TRAK1: variants seen among roughly 807,000 people sequenced by gnomAD.
TRAK1 encodes the protein trafficking kinesin-binding protein 1.
In TRAK1, 33 loss-of-function variants were observed where a neutral mutation model predicts 92.1. That is an observed-to-expected ratio of 0.36 (90% CI 0.27 to 0.48). TRAK1 has a LOEUF of 0.48. Ranked by LOEUF, TRAK1 falls within the 20% of genes least tolerant of loss-of-function variation. The probability of loss-of-function intolerance (pLI) is 0.99; values close to 1 mark genes in which losing one functional copy is unlikely to be tolerated. For missense variants in TRAK1, 1,123 were observed against 1,257.9 expected (o/e 0.89, Z 1.62); for synonymous variants, 521 against 517.3 (o/e 1.01, Z -0.10).
rs115024707 is a variant in TRAK1, at chr3:42,204,942, T to A, written c.1744+2190T>A. Among the ~76,000 whole-genome samples, 814 of 152,294 alleles carry A rather than the reference T, an allele frequency of 5.3e-3. 13 individuals are homozygous for A. Among genetic ancestry groups the A allele is most frequent in the African/African-American group, 0.019 (775 of 41,564 alleles). Reference sequence around the variant, plus strand: ...TTTCCCTCCCCTCCACAGTTATTTTTTGTGTTACCATGTTTAATATGATAA... The same window carrying A: ...TTTCCCTCCCCTCCACAGTTATTTTATGTGTTACCATGTTTAATATGATAA... On this transcript the variant is annotated intron_variant, in intron 13 of 15. Transcript: ENST00000327628.
intron 1 of TRAK1, among the ~76,000 whole-genome samples, chr3:42,075,929 G>A (rs955052123): frequency 1.3e-5 from 2 of 152,036 alleles, no homozygotes; most frequent in African/African-American, 4.8e-5. Flanking sequence ...TGCCACCTCT[G>A]CCTCCCAGAT....
At position 42,202,476 on chromosome 3, in the gene TRAK1, C is replaced by T. The variant is rs1404732213; in HGVS notation, c.1468C>T (p.Pro490Ser). 1 of 1,498,846 alleles carries T rather than the reference C, an allele frequency of 6.7e-7. No homozygotes were observed. The highest frequency in any genetic ancestry group is 8.9e-7 in the Non-Finnish European group (1 of 1,121,080). The allele number at this position is 1,498,846 out of a possible 1,614,324, so 92.8% of individuals were successfully genotyped here. A position where few individuals can be genotyped will look rare whatever the true frequency, so the allele number is the denominator to read the frequency against. Residue 490 changes from proline (P) to serine (S), a missense_variant, in exon 13 of 16, where the codon CCA becomes TCA. This residue lies in a region of TRAK1 where 686 missense variants were observed against 747.6 expected (regional missense o/e 0.92). Transcript: ENST00000327628. This position sits in a 1 kb window ranked among gnomAD's most constrained non-coding sequence, Gnocchi z 6.1. ...TAAGAAGCCGGGGACGCCGGGCACC[C>T]CAGGCTCCCACGACCTGGAGACGGC... is the stretch of plus-strand genomic sequence containing the variant. ...RSKKPGTPGT[P>S]GSHDLETALR...
Position 42,223,138 on chromosome 3 carries a change from G to T in TRAK1, c.2263G>T (p.Asp755Tyr). The T allele has an allele frequency of 1.9e-6, 3 of 1,613,956 alleles. No individual in the cohort carries two copies. The highest frequency in any genetic ancestry group is 2.5e-6 in the Non-Finnish European group (3 of 1,180,022). Reference sequence around the variant, plus strand: ...GCGGGGCATTTCTGCTGCCGTGTACGACCCCCAGAGCTGGGACAGGGCCGG... The same window carrying T: ...GCGGGGCATTTCTGCTGCCGTGTACTACCCCCAGAGCTGGGACAGGGCCGG... ...KERGISAAVY[D>Y]PQSWDRAGRG... The change falls in exon 16 of 16, where the codon GAC becomes TAC. Residue 755 changes from aspartate to tyrosine, a missense_variant. By Grantham distance (160) the Asp-to-Tyr change is radical. This residue lies in a region of TRAK1 where 401 missense variants were observed against 438.9 expected (regional missense o/e 0.91). Coordinates refer to ENST00000327628, the MANE Select transcript of TRAK1 (RefSeq NM_001042646.3). This position sits in a 1 kb window ranked among gnomAD's most constrained non-coding sequence, Gnocchi z 6.1.
intron 2 of TRAK1, among the ~76,000 whole-genome samples, chr3:42,156,529 T>C (rs1034673361): frequency 2.6e-5 from 4 of 152,202 alleles, no homozygotes; most frequent in African/African-American, 7.2e-5. Context: ...TTATGACTTA[T>C]AGAATAAAGG....
chr3:42,199,517 G>T (rs761711150), intron 11 of TRAK1, among the ~76,000 whole-genome samples: 1 of 152,202 alleles, frequency 6.6e-6, no homozygotes, highest in Non-Finnish European at 1.5e-5. Flanking sequence ...GTGCAGTGGT[G>T]TGATCATAGC....
intron 1 of TRAK1, among the ~76,000 whole-genome samples, chr3:42,081,516 G>A (rs1008115060): frequency 1.3e-5 from 2 of 152,192 alleles, no homozygotes; most frequent in Non-Finnish European, 2.9e-5. Flanking sequence ...ATGCTTTCAA[G>A]GAGCACACAA....
intron 1 of TRAK1, among the ~76,000 whole-genome samples, chr3:42,040,748 G>A (rs549430793): frequency 3.3e-5 from 5 of 150,676 alleles, no homozygotes; most frequent in South Asian, 2.1e-4. Context: ...CACGGATCTC[G>A]GCTCACTGCA....
chr3:42,206,753 A>G (rs547852566), intron 13 of TRAK1, among the ~76,000 whole-genome samples: 1 of 152,196 alleles, frequency 6.6e-6, no homozygotes, highest in South Asian at 2.1e-4. Flanking sequence ...TTTAGTTGTA[A>G]TTTCACTAAA....
At chr3:42,210,136 C>T (rs371682670) in intron 14 of TRAK1, 151 bp downstream of exon 14, 22 of 1,606,554 alleles carry the variant, frequency 1.4e-5, no homozygotes, top group African/African-American at 4.0e-5. Context: ...GAGGGCACCA[C>T]GATAAGTCCT....
intron 1 of TRAK1, among the ~76,000 whole-genome samples, chr3:42,057,295 A>G (rs1703240630): frequency 6.6e-6 from 1 of 152,188 alleles, no homozygotes; most frequent in African/African-American, 2.4e-5. Context: ...TGTTTTCTCC[A>G]CAAAGACTGA....
At chr3:42,204,184 AT>A in intron 13 of TRAK1, 1 of 985,742 alleles carries the variant, frequency 1.0e-6, no homozygotes, top group Non-Finnish European at 1.2e-6. Context: ...CATTTCTGCA[AT>A]TTTACTTTCT....
At chr3:42,013,317 G>T (rs116507070), upstream of TRAK1, among the ~76,000 whole-genome samples, 1 of 152,182 alleles carries the variant, frequency 6.6e-6, no homozygotes, top group Admixed American at 6.5e-5. The surrounding 1 kb of genome is among the most constrained non-coding windows in gnomAD (Gnocchi z 5.1). Flanking sequence ...GGCCGCGGGG[G>T]TCCCATCCTT....
At chr3:42,043,509 C>G (rs528519216) in intron 1 of TRAK1, among the ~76,000 whole-genome samples, 3 of 152,128 alleles carry the variant, frequency 2.0e-5, no homozygotes, top group Non-Finnish European at 4.4e-5. Flanking sequence ...CCCCTACCCC[C>G]AGCCCTGTGA....
chr3:42,081,903 T>C (rs1462914661), intron 1 of TRAK1, among the ~76,000 whole-genome samples: 2 of 152,232 alleles, frequency 1.3e-5, no homozygotes, highest in East Asian at 1.9e-4. Context: ...GAAATTTGGT[T>C]GTTTTCCACT....
At chr3:42,153,149 G>A (rs902148734) in intron 2 of TRAK1, among the ~76,000 whole-genome samples, 1 of 152,140 alleles carries the variant, frequency 6.6e-6, no homozygotes, top group Non-Finnish European at 1.5e-5. Flanking sequence ...ATGCCTGTAA[G>A]CCCAGCATTT....
chr3:42,074,009 G>A (rs1704044883), intron 1 of TRAK1, among the ~76,000 whole-genome samples: 1 of 152,146 alleles, frequency 6.6e-6, no homozygotes, highest in African/African-American at 2.4e-5. Context: ...ACGACAAGAG[G>A]GTTGTTTTAA....
intron 1 of TRAK1, among the ~76,000 whole-genome samples, chr3:42,030,637 C>G (rs1702095877): frequency 7.7e-6 from 1 of 130,698 alleles, no homozygotes; most frequent in Admixed American, 8.0e-5. Context: ...TGCACCACTG[C>G]ACTGCAGCCT....
At chr3:42,166,794 A>G (rs1042191092) in intron 2 of TRAK1, among the ~76,000 whole-genome samples, 2 of 152,242 alleles carry the variant, frequency 1.3e-5, no homozygotes, top group Admixed American at 1.3e-4. Flanking sequence ...AGGAAGCCAT[A>G]GCTGTGCTGT....
intron 4 of TRAK1, 46 bp downstream of exon 4, chr3:42,184,847 C>CT: frequency 3.2e-6 from 5 of 1,571,750 alleles, no homozygotes; most frequent in Non-Finnish European, 4.4e-6. Context: ...CGCCACAGGC[C>CT]TGGGAGCTGG....
Sources: gnomAD v4.1 joint callset for allele counts (sites outside exome capture counted in the v4.1 genomes callset) on GRCh38, gnomAD v4.1.1 for gene constraint, gnomAD v4.1.1 regional missense constraint, Gnocchi (gnomAD v3.1) non-coding constraint, MANE v1.5 for transcripts, NCBI Gene and HGNC (gene_info 2026-07-23, HGNC 2026-07-21) for gene names.